RBBP7: variants seen among roughly 807,000 people sequenced by gnomAD.
The protein encoded by RBBP7 is RB binding protein 7, chromatin remodeling factor.
Under a neutral mutation model 35.2 loss-of-function variants are expected in RBBP7, and 5 were observed. The ratio of observed to expected loss-of-function variants is 0.14; its 90% confidence interval spans 0.07 to 0.30. The LOEUF (loss-of-function observed/expected upper bound fraction) is 0.30, where lower values mean the gene tolerates loss of function less well. Ranked by LOEUF, RBBP7 falls within the 10% of genes least tolerant of loss-of-function variation. The probability of loss-of-function intolerance (pLI) is 1.00; values close to 1 mark genes in which losing one functional copy is unlikely to be tolerated. For missense variants in RBBP7, 155 were observed against 327.5 expected, an observed-to-expected ratio of 0.47 and a Z score of 4.07; for synonymous variants, 140 against 118.7, an observed-to-expected ratio of 1.18 and a Z score of -1.17.
In RBBP7 at chrX:16,852,092, G is replaced by C; in HGVS notation, c.994C>G (p.Leu332Val). 8.3e-7 allele frequency: 1 copy of C among 1,206,942 alleles called. No homozygotes were observed. The highest frequency in any genetic ancestry group is 1.1e-6 in the Non-Finnish European group (1 of 890,975). ...VHWSPHNETILASSGTDRRLN... is the reference protein window; with the variant it reads ...VHWSPHNETIVASSGTDRRLN... ...CGGCGGTCAGTACCACTTGAAGCCAGAATAGTTTCATTATGTGGAGACCAG... is the reference window on the plus strand; with the variant it reads ...CGGCGGTCAGTACCACTTGAAGCCACAATAGTTTCATTATGTGGAGACCAG... Residue 332 changes from leucine to valine, a missense_variant, in exon 9 of 12, where the codon CTG becomes GTG. This residue lies in a region of RBBP7 where 79 missense variants were observed against 220.8 expected (regional missense o/e 0.36). Coordinates refer to ENST00000380087, the MANE Select transcript of RBBP7 (RefSeq NM_002893.4).
intron 2 of RBBP7, among the ~76,000 whole-genome samples, chrX:16,863,547 A>G (rs1156503305): frequency 3.6e-5 from 4 of 112,430 alleles, no homozygotes; most frequent in African/African-American, 1.3e-4. Flanking sequence ...CCAATAAGAA[A>G]TTCTACAAGG....
In RBBP7 at chrX:16,853,886, A is replaced by G. The variant is rs759041017; in HGVS notation, c.598-44T>C. The G allele has an allele frequency of 5.3e-5, 51 of 971,005 alleles. No individual in the cohort carries two copies. The Admixed American group carries it at 2.3e-3, about 43-fold the overall frequency. 80.0% of individuals were successfully genotyped at this position (971,005 alleles called of 1,213,427 possible). On this transcript the variant is annotated intron_variant, in intron 5 of 11. Coordinates refer to ENST00000380087, the MANE Select transcript of RBBP7 (RefSeq NM_002893.4). The stretch of plus-strand genomic sequence containing the variant: ...AAAAAAAAAGAACAAGGGCTATAAG[A>G]GACTGATTTTTTTTTTTTTCCCTCG...
intron 3 of RBBP7, among the ~76,000 whole-genome samples, chrX:16,860,675 A>G (rs185406313): frequency 0.046 from 4,802 of 104,398 alleles, 324 homozygotes; most frequent in African/African-American, 0.16. Flanking sequence ...CTTCGTCTCG[A>G]AAAAAAAAAG....
At chrX:16,859,562 G>A (rs1019126439) in intron 3 of RBBP7, among the ~76,000 whole-genome samples, 1 of 112,657 alleles carries the variant, frequency 8.9e-6, no homozygotes, top group Non-Finnish European at 1.9e-5. Flanking sequence ...AATACAAGTA[G>A]AGAACATCTA....
intron 3 of RBBP7, among the ~76,000 whole-genome samples, chrX:16,859,867 G>GGAATGCTTAAT (rs1930426782): frequency 9.0e-6 from 1 of 111,125 alleles, no homozygotes; most frequent in African/African-American, 3.3e-5. Flanking sequence ...CCTTCTATGT[G>GGAATGCTTAAT]GAATGCTTAA....
chrX:16,868,907 T>C (rs1930694247), intron 2 of RBBP7, among the ~76,000 whole-genome samples, 169 bp downstream of exon 2: 1 of 112,327 alleles, frequency 8.9e-6, no homozygotes, highest in Non-Finnish European at 1.9e-5. Flanking sequence ...CACCACACTA[T>C]ACACCAGAAA....
At chrX:16,845,185 G>A in intron 11 of RBBP7, 82 bp from the exon 12 acceptor site, 2 of 639,167 alleles carry the variant, frequency 3.1e-6, no homozygotes, top group Non-Finnish European at 4.8e-6. Context: ...AATCTATTTA[G>A]AACTTAATAG....
Position 16,858,838 on chromosome X carries a change from A to G in RBBP7, c.319T>C (p.Phe107Leu). Residue 107 changes from phenylalanine (F) to leucine (L), a missense_variant, in exon 4 of 12, where the codon TTT becomes CTT. Phe to Leu is a conservative substitution (Grantham distance 22). Coordinates refer to ENST00000380087, the MANE Select transcript of RBBP7 (RefSeq NM_002893.4). The stretch of plus-strand genomic sequence containing the variant: ...TCAATTTTTCCTGTTACAGAACCAA[A>G]GCCACCAAATTCTAATGTGAGGAGA... ...CDSDKGEFGG[F>L]GSVTGKIECE... 1 of 1,211,230 alleles carries G rather than the reference A, an allele frequency of 8.3e-7. No homozygotes were observed. Among genetic ancestry groups the G allele is most frequent in the South Asian group, 1.8e-5 (1 of 56,968 alleles).
At chrX:16,863,946 A>G (rs1235119356) in intron 2 of RBBP7, among the ~76,000 whole-genome samples, 1 of 111,352 alleles carries the variant, frequency 9.0e-6, no homozygotes. Context: ...AAGAGGACTG[A>G]GAAGTAGGGG....
At chrX:16,845,264 A>G (rs1322685995) in intron 11 of RBBP7, among the ~76,000 whole-genome samples, 161 bp from the exon 12 acceptor site, 7 of 112,492 alleles carry the variant, frequency 6.2e-5, no homozygotes, top group African/African-American at 2.3e-4. Flanking sequence ...ATTTTGAAAA[A>G]TTCTTTGCCA....
intron 10 of RBBP7, chrX:16,846,425 G>C (rs1930079643): frequency 9.0e-6 from 1 of 111,704 alleles, no homozygotes. Context: ...GGAGTCTTCT[G>C]GTTCTTCCCC....
chrX:16,852,711 G>C (rs1331061466), intron 7 of RBBP7, 38 bp downstream of exon 7: 17 of 1,209,966 alleles, frequency 1.4e-5, no homozygotes, highest in Non-Finnish European at 1.9e-5. Flanking sequence ...AAGAGAACTG[G>C]GTTTTATAAA....
intron 10 of RBBP7, 49 bp downstream of exon 10, chrX:16,849,195 A>T (rs1930157476): frequency 1.8e-6 from 2 of 1,116,090 alleles, no homozygotes; most frequent in Non-Finnish European, 2.5e-6. Context: ...GAGATCAATG[A>T]CAATCCAATC....
intron 9 of RBBP7, 36 bp downstream of exon 9, chrX:16,852,010 A>G (rs778906895): frequency 9.7e-6 from 11 of 1,134,833 alleles, no homozygotes; most frequent in Non-Finnish European, 1.2e-5. Context: ...AGATAGGCAC[A>G]TTTATGCAGT....
chrX:16,868,274 A>G (rs1930675819), intron 2 of RBBP7, among the ~76,000 whole-genome samples: 1 of 111,906 alleles, frequency 8.9e-6, no homozygotes, highest in Admixed American at 9.5e-5. Flanking sequence ...TTAAAAGTAC[A>G]TGGTCAAGTT....
At chrX:16,862,817 T>C (rs946362197) in intron 3 of RBBP7, 138 bp downstream of exon 3, 2 of 652,776 alleles carry the variant, frequency 3.1e-6, no homozygotes, top group East Asian at 3.4e-5. Flanking sequence ...TGTGCACATG[T>C]GGGTGGGAAG....
At position 16,845,132 on chromosome X, in the gene RBBP7, A is replaced by T. The variant is rs375962521; in HGVS notation, c.1210-29T>A. On this transcript the variant is annotated intron_variant, in intron 11 of 11. Coordinates refer to ENST00000380087, the MANE Select transcript of RBBP7 (RefSeq NM_002893.4). Reference sequence around the variant, plus strand: ...GAGATAACCAAATAAATTCACAGGTAAAAACTCCCTATGGTTTTCACATGG... The same window carrying T: ...GAGATAACCAAATAAATTCACAGGTTAAAACTCCCTATGGTTTTCACATGG... The T allele has an allele frequency of 4.8e-5, 50 of 1,052,452 alleles. No individual in the cohort carries two copies. In the African/African-American group the frequency reaches 8.1e-4, roughly 17 times the overall value. The allele number at this position is 1,052,452 out of a possible 1,213,427, so 86.7% of individuals were successfully genotyped here.
At chrX:16,867,010 CA>C (rs747634005) in intron 2 of RBBP7, among the ~76,000 whole-genome samples, 3 of 111,918 alleles carry the variant, frequency 2.7e-5, no homozygotes, top group African/African-American at 6.5e-5. Context: ...TTATAGGTAA[CA>C]TTTTTTTAAA....
chrX:16,845,864 T>C lies in RBBP7; in HGVS notation c.1173A>G (p.Ser391=), dbSNP rs1930063420. ...TCTGCATGATGTTATCCTCAGACAC[T>C]GAGCAAATGACCCAAGGCTCATTGG... ...WNPNEPWVIC[S]VSEDNIMQIW... Residue 391 remains serine (S), a synonymous_variant, in exon 11 of 12, where the codon TCA becomes TCG. Transcript: ENST00000380087. The C allele has an allele frequency of 8.3e-7, 1 of 1,211,511 alleles. No individual in the cohort carries two copies. The highest frequency in any genetic ancestry group is 1.1e-6 in the Non-Finnish European group (1 of 895,385).
Sources: allele counts gnomAD v4.1 joint callset (sites outside exome capture counted in the v4.1 genomes callset), GRCh38; gene constraint gnomAD v4.1.1; regional missense constraint gnomAD v4.1.1; transcripts MANE v1.5; gene names NCBI Gene and HGNC (gene_info 2026-07-23, HGNC 2026-07-21).